The following JARID2 variants were observed in gnomAD, a reference collection of about 807,000 sequenced individuals.
JARID2 encodes the protein jumonji and AT-rich interaction domain containing 2.
JARID2 carries 21 observed loss-of-function variants against 125.6 expected under a neutral mutation model. The ratio of observed to expected loss-of-function variants is 0.17; its 90% confidence interval spans 0.12 to 0.24. JARID2 has a LOEUF of 0.24. JARID2 is among the 10% of genes least tolerant of loss of function. The pLI is 1.00. For missense variants in JARID2, 1,303 were observed against 1,639.6 expected (o/e 0.79, Z 3.55); for synonymous variants, 736 against 661.6 (o/e 1.11, Z -1.73).
In JARID2 at chr6:15,514,616, C is replaced by T. The variant is rs9367877; in HGVS notation, c.3450+1194C>T. 3.1e-3 allele frequency among the ~76,000 whole-genome samples: 471 copies of T among 151,688 alleles called. 1 individual carries two copies. Among genetic ancestry groups the T allele is most frequent in the African/African-American group, 9.9e-3 (404 of 41,002 alleles). On this transcript the variant is annotated intron_variant, in intron 16 of 17. Transcript: ENST00000341776. ...AGAAGAGGGAGGACACAGCCTCTCC[C>T]GGATGAGTCAGATCGTCAGATCGTC...
intron 5 of JARID2, among the ~76,000 whole-genome samples, chr6:15,486,765 C>G (rs1287857873): frequency 1.3e-5 from 2 of 148,610 alleles, no homozygotes; most frequent in African/African-American, 5.1e-5. Flanking sequence ...GTCAGTAGCT[C>G]TCTGGCCTCA....
intron 1 of JARID2, among the ~76,000 whole-genome samples, chr6:15,292,173 C>T (rs547399942): frequency 5.3e-5 from 8 of 152,068 alleles, no homozygotes; most frequent in African/African-American, 1.4e-4. Flanking sequence ...CCCGCCACCT[C>T]GCCCGGCTAA....
At chr6:15,344,104 ATTTTTTTTTTTTT>A (rs58867061) in intron 1 of JARID2, among the ~76,000 whole-genome samples, 8 of 89,166 alleles carry the variant, frequency 9.0e-5, no homozygotes, top group Admixed American at 1.5e-4. Flanking sequence ...GTATGTAGTG[ATTTTTTTTTTTTT>A]TTTTTTTTTT....
At chr6:15,479,195 G>C (rs987600355) in intron 5 of JARID2, among the ~76,000 whole-genome samples, 3 of 152,102 alleles carry the variant, frequency 2.0e-5, no homozygotes, top group Non-Finnish European at 4.4e-5. Flanking sequence ...AGTGACTGAT[G>C]CCCACACAGG....
intron 1 of JARID2, among the ~76,000 whole-genome samples, chr6:15,319,639 C>T (rs1469117312): frequency 6.6e-6 from 1 of 152,202 alleles, no homozygotes; most frequent in African/African-American, 2.4e-5. Context: ...CTCCTGTCCT[C>T]AAGTGATCCA....
rs1214937653 is a variant in JARID2 at position 15,415,549 on chromosome 6, GA to G, written c.323+5185del. On this transcript the variant is annotated intron_variant, in intron 3 of 17. Coordinates refer to ENST00000341776, the MANE Select transcript of JARID2 (RefSeq NM_004973.4). ...AGAGGCGCCCCTCACCTCCCGGGCA[GA>G]GGCGCCCCTCACCTCCCGGACGGGG... Among the ~76,000 whole-genome samples, 293 of 145,754 alleles carry G rather than the reference GA, an allele frequency of 2.0e-3. 3 individuals are homozygous for G. The highest frequency in any genetic ancestry group is 6.8e-3 in the African/African-American group (254 of 37,168).
intron 2 of JARID2, among the ~76,000 whole-genome samples, chr6:15,386,083 A>G (rs1764774190): frequency 6.6e-6 from 1 of 152,152 alleles, no homozygotes; most frequent in African/African-American, 2.4e-5. Flanking sequence ...TTAATTCTCA[A>G]TTGATGATTT....
intron 1 of JARID2, among the ~76,000 whole-genome samples, chr6:15,304,229 A>G (rs568292250): frequency 9.2e-4 from 130 of 141,638 alleles, no homozygotes; most frequent in Admixed American, 1.7e-3. Context: ...GCGCAGCCTC[A>G]GTTGTCCCAG....
In JARID2 at chr6:15,374,093, C is replaced by T. The variant is rs190144277; in HGVS notation, c.46-24C>T. 17 of 1,608,814 alleles carry T rather than the reference C, an allele frequency of 1.1e-5. No individual in the cohort carries two copies. The East Asian group carries it at 3.8e-4, about 36-fold the overall frequency. On this transcript the variant is annotated intron_variant, in intron 1 of 17. Coordinates refer to ENST00000341776, the MANE Select transcript of JARID2 (RefSeq NM_004973.4). Reference sequence around the variant, plus strand: ...TGCCTTGCTTTCTATTCAGTAACTCCTCTCTTTTCTTATGTTTCTTCAGGA... The same window carrying T: ...TGCCTTGCTTTCTATTCAGTAACTCTTCTCTTTTCTTATGTTTCTTCAGGA...
intron 4 of JARID2, among the ~76,000 whole-genome samples, chr6:15,465,281 C>T (rs2237134): frequency 0.65 from 98,845 of 151,936 alleles, 32,331 homozygotes; most frequent in Admixed American, 0.72. Flanking sequence ...AGCGAGATCC[C>T]GTTCCTACAA....
intron 1 of JARID2, among the ~76,000 whole-genome samples, chr6:15,310,687 T>C (rs1761981561): frequency 6.6e-6 from 1 of 152,218 alleles, no homozygotes; most frequent in South Asian, 2.1e-4. Flanking sequence ...TCTGAGATCT[T>C]CCAGGAGATG....
intron 1 of JARID2, among the ~76,000 whole-genome samples, chr6:15,310,740 G>T (rs976821011): frequency 6.6e-6 from 1 of 152,214 alleles, no homozygotes; most frequent in Non-Finnish European, 1.5e-5. Context: ...TGGCTCTTTG[G>T]TGGCCCAGTT....
intron 1 of JARID2, among the ~76,000 whole-genome samples, chr6:15,372,587 C>T (rs948537869): frequency 7.2e-5 from 11 of 152,224 alleles, no homozygotes; most frequent in Non-Finnish European, 1.6e-4. Context: ...GTCTCAATCC[C>T]TTGTGATCCG....
At chr6:15,477,351 G>A (rs1769392503) in intron 5 of JARID2, among the ~76,000 whole-genome samples, 2 of 151,698 alleles carry the variant, frequency 1.3e-5, no homozygotes, top group Non-Finnish European at 2.9e-5. Flanking sequence ...TGTTCAGTGG[G>A]GACAGACACT....
intron 1 of JARID2, among the ~76,000 whole-genome samples, chr6:15,362,084 G>A (rs879077285): frequency 2.6e-5 from 4 of 151,692 alleles, no homozygotes; most frequent in African/African-American, 7.3e-5. Context: ...AGTGGGTTCC[G>A]CCATGTTGGT....
intron 3 of JARID2, among the ~76,000 whole-genome samples, chr6:15,430,378 T>G (rs1766919278): frequency 6.6e-6 from 1 of 152,138 alleles, no homozygotes; most frequent in Non-Finnish European, 1.5e-5. Flanking sequence ...ATACAAAATG[T>G]GGGAAGAAGG....
At chr6:15,519,642 G>C (rs1452699804) in intron 17 of JARID2, among the ~76,000 whole-genome samples, 1 of 152,244 alleles carries the variant, frequency 6.6e-6, no homozygotes, top group Non-Finnish European at 1.5e-5. Flanking sequence ...TGTATAGGTT[G>C]AGAAGTGTTT....
At chr6:15,284,687 A>G (rs933910494) in intron 1 of JARID2, among the ~76,000 whole-genome samples, 1 of 152,094 alleles carries the variant, frequency 6.6e-6, no homozygotes, top group South Asian at 2.1e-4. Flanking sequence ...GGGTTTTACC[A>G]TATTGGCGAG....
chr6:15,316,247 G>C (rs936377587), intron 1 of JARID2, among the ~76,000 whole-genome samples: 1 of 151,940 alleles, frequency 6.6e-6, no homozygotes, highest in Admixed American at 6.6e-5. Context: ...AGCCTCCCTA[G>C]TAGCTGGGAC....
Sources: allele counts gnomAD v4.1 joint callset (sites outside exome capture counted in the v4.1 genomes callset), GRCh38; gene constraint gnomAD v4.1.1; transcripts MANE v1.5; gene names NCBI Gene and HGNC (gene_info 2026-07-23, HGNC 2026-07-21).